The following FCHSD2 variants were observed in gnomAD, a reference collection of about 807,000 sequenced individuals.
The protein encoded by FCHSD2 is FCH and double SH3 domains 2, also known as F-BAR and double SH3 domains protein 2.
Under a neutral mutation model 108.1 loss-of-function variants are expected in FCHSD2, and 38 were observed. That is an observed-to-expected ratio of 0.35 (90% confidence interval 0.27 to 0.46). The LOEUF is 0.46. Among genes scored for constraint, FCHSD2 ranks in the 20% least tolerant of loss-of-function variants. The pLI, the probability that FCHSD2 is intolerant of heterozygous loss-of-function variation, is 1.00. For missense variants in FCHSD2, 751 were observed against 897.8 expected (o/e 0.84, Z 2.09); for synonymous variants, 279 against 314.7 (o/e 0.89, Z 1.20).
rs1182511223 is a variant in FCHSD2 at position 72,989,080 on chromosome 11, T to G, written c.405A>C (p.Thr135=). Reference sequence around the variant, plus strand: ...TCTCTTGTAATTCAGTTTGGATCTTTGTCAACTGGTCCACACACTGTAAAA... The same window carrying G: ...TCTCTTGTAATTCAGTTTGGATCTTGGTCAACTGGTCCACACACTGTAAAA... The part of the protein sequence containing the change: ...QQLKRCVDQL[T]KIQTELQETV... The change falls in exon 6 of 20, where the codon ACA becomes ACC. Residue 135 remains threonine (T), a synonymous_variant. Coordinates refer to ENST00000409418, the MANE Select transcript of FCHSD2 (RefSeq NM_014824.3). The G allele has an allele frequency of 6.2e-7, 1 of 1,608,552 alleles. No homozygotes were observed. Among genetic ancestry groups the G allele is most frequent in the African/African-American group, 1.3e-5 (1 of 74,928 alleles).
intron 3 of FCHSD2, among the ~76,000 whole-genome samples, chr11:73,079,427 TG>T (rs927633433): frequency 6.6e-6 from 1 of 152,042 alleles, no homozygotes; most frequent in Admixed American, 6.6e-5. Flanking sequence ...CTCGAACTCC[TG>T]ATGTCGTGAT....
chr11:72,991,031 T>A (rs1289407215), intron 5 of FCHSD2, among the ~76,000 whole-genome samples: 2 of 152,040 alleles, frequency 1.3e-5, no homozygotes, highest in East Asian at 3.9e-4. Context: ...AAAGGGGATA[T>A]CACCACCAAT....
intron 8 of FCHSD2, among the ~76,000 whole-genome samples, chr11:72,980,696 T>TAA (rs1555068519): frequency 0.025 from 3,560 of 140,732 alleles, 136 homozygotes; most frequent in African/African-American, 0.088. Context: ...TATATATATA[T>TAA]AATGTATGTA....
At position 72,887,530 on chromosome 11, in the gene FCHSD2, T is replaced by G; in HGVS notation, c.1086A>C (p.Gln362His). The change falls in exon 12 of 20, where the codon CAA (glutamine) becomes CAC (histidine). Residue 362 changes from glutamine to histidine, a missense_variant. Transcript: ENST00000409418. The part of the protein sequence containing the change: ...LECHGAAVSE[Q>H]SRAELEQKID... ...TTTTCTGTTCTAGCTCTGCTCGGCT[T>G]TGTTCTGATACAGCAGCTCCATGAC... The G allele has an allele frequency of 6.2e-7, 1 of 1,603,896 alleles. No individual in the cohort carries two copies.
At chr11:73,138,532 T>TA (rs1591586271) in intron 2 of FCHSD2, among the ~76,000 whole-genome samples, 2 of 152,188 alleles carry the variant, frequency 1.3e-5, no homozygotes, top group East Asian at 3.8e-4. Context: ...AGATATTTCT[T>TA]AGTTTGCTTA....
At chr11:72,855,462 T>C (rs998011869) in intron 13 of FCHSD2, among the ~76,000 whole-genome samples, 9 of 151,370 alleles carry the variant, frequency 5.9e-5, no homozygotes, top group Non-Finnish European at 1.3e-4. Flanking sequence ...GGTGACAGAG[T>C]GAGACTCCAT....
chr11:72,931,197 T>C (rs1181754616), intron 8 of FCHSD2, among the ~76,000 whole-genome samples: 1 of 148,948 alleles, frequency 6.7e-6, no homozygotes, highest in Non-Finnish European at 1.5e-5. Flanking sequence ...CGGGTTCAAG[T>C]GATTCTCCTG....
At chr11:73,099,683 G>A (rs1304648437) in intron 2 of FCHSD2, among the ~76,000 whole-genome samples, 1 of 152,202 alleles carries the variant, frequency 6.6e-6, no homozygotes, top group East Asian at 1.9e-4. Context: ...GCTTAGCGGC[G>A]CTCACCACCC....
At chr11:73,030,884 A>C (rs1171209423) in intron 3 of FCHSD2, among the ~76,000 whole-genome samples, 1 of 152,128 alleles carries the variant, frequency 6.6e-6, no homozygotes, top group African/African-American at 2.4e-5. Flanking sequence ...ATTATTAACT[A>C]TAGTCCTCAT....
intron 8 of FCHSD2, among the ~76,000 whole-genome samples, chr11:72,983,082 CAGG>C (rs1418660145): frequency 6.6e-6 from 1 of 151,988 alleles, no homozygotes; most frequent in Non-Finnish European, 1.5e-5. Flanking sequence ...ATCACGAGGT[CAGG>C]AGATCGAGAC....
At chr11:73,129,072 C>CAT (rs939772528) in intron 2 of FCHSD2, among the ~76,000 whole-genome samples, 1 of 152,108 alleles carries the variant, frequency 6.6e-6, no homozygotes, top group African/African-American at 2.4e-5. Flanking sequence ...GAGATTTCAC[C>CAT]ATGTTAGCCA....
chr11:72,902,757 G>T, intron 9 of FCHSD2, 119 bp from the exon 10 acceptor site: 4 of 583,542 alleles, frequency 6.9e-6, no homozygotes, highest in South Asian at 5.1e-5. Flanking sequence ...CCAACACTGT[G>T]GTAAAAAAGA....
chr11:73,032,939 G>A (rs1858397400), intron 3 of FCHSD2, among the ~76,000 whole-genome samples: 1 of 152,118 alleles, frequency 6.6e-6, no homozygotes, highest in Non-Finnish European at 1.5e-5. Flanking sequence ...GCCATTATCA[G>A]ACTAAAATGT....
intron 12 of FCHSD2, among the ~76,000 whole-genome samples, chr11:72,883,948 A>T (rs889676734): frequency 3.3e-5 from 5 of 151,782 alleles, no homozygotes; most frequent in Non-Finnish European, 5.9e-5. Context: ...AAAAAAAAAA[A>T]ATTTTTTTTA....
At chr11:72,906,225 T>C (rs1463885158) in intron 9 of FCHSD2, among the ~76,000 whole-genome samples, 1 of 152,272 alleles carries the variant, frequency 6.6e-6, no homozygotes, top group Non-Finnish European at 1.5e-5. Flanking sequence ...CATAAATGTC[T>C]TCTTTTGAGA....
At chr11:72,917,663 A>G (rs1330474064) in intron 9 of FCHSD2, among the ~76,000 whole-genome samples, 14 of 152,212 alleles carry the variant, frequency 9.2e-5, no homozygotes. Flanking sequence ...AGGCAGGCGG[A>G]TCACTTGACG....
chr11:73,064,447 TGAA>T (rs1384408473), intron 3 of FCHSD2, among the ~76,000 whole-genome samples: 1 of 150,934 alleles, frequency 6.6e-6, no homozygotes, highest in Non-Finnish European at 1.5e-5. Flanking sequence ...AGAGCAGAAC[TGAA>T]GGAGATAGAA....
intron 8 of FCHSD2, among the ~76,000 whole-genome samples, chr11:72,931,625 C>T (rs1408028024): frequency 6.6e-6 from 1 of 151,528 alleles, no homozygotes; most frequent in Non-Finnish European, 1.5e-5. Flanking sequence ...ATTAGCCGGG[C>T]GCAGTGGCAG....
At chr11:72,912,771 G>C (rs531982335) in intron 9 of FCHSD2, among the ~76,000 whole-genome samples, 1 of 152,306 alleles carries the variant, frequency 6.6e-6, no homozygotes, top group South Asian at 2.1e-4. Context: ...TCCTTGCTGA[G>C]AGACTTTCTA....
Sources: gnomAD v4.1 joint callset for allele counts (sites outside exome capture counted in the v4.1 genomes callset) on GRCh38, gnomAD v4.1.1 for gene constraint, MANE v1.5 for transcripts, NCBI Gene and HGNC (gene_info 2026-07-23, HGNC 2026-07-21) for gene names.